The following ERBB4 variants were observed in gnomAD, a reference collection of about 807,000 sequenced individuals.
ERBB4 encodes the protein receptor tyrosine-protein kinase erbB-4.
A neutral mutation model predicts 158.0 loss-of-function variants in ERBB4; 42 were observed. That is an observed-to-expected ratio of 0.27 (90% CI 0.21 to 0.34). The LOEUF is 0.34. Among genes scored for constraint, ERBB4 ranks in the 10% least tolerant of loss-of-function variants. The pLI, the probability that ERBB4 is intolerant of heterozygous loss-of-function variation, is 1.00. For missense variants in ERBB4, 1,333 were observed against 1,624.1 expected (o/e 0.82, Z 3.08); for synonymous variants, 583 against 558.7 (o/e 1.04, Z -0.61).
chr2:212,518,606 C>T (rs1575070773), intron 1 of ERBB4, among the ~76,000 whole-genome samples: 1 of 151,816 alleles, frequency 6.6e-6, no homozygotes, highest in East Asian at 1.9e-4. Flanking sequence ...TACCACAAGC[C>T]CCTATTAGAA....
intron 1 of ERBB4, among the ~76,000 whole-genome samples, chr2:212,454,453 G>A (rs568925486): frequency 2.0e-5 from 3 of 152,226 alleles, no homozygotes; most frequent in African/African-American, 7.2e-5. Context: ...CTCTGCACTT[G>A]ATATATTTCA....
Position 211,624,063 on chromosome 2 carries a change from A to T in ERBB4, c.2080-19T>A. The T allele has an allele frequency of 6.2e-7, 1 of 1,613,892 alleles. No homozygotes were observed. The highest frequency in any genetic ancestry group is 1.1e-5 in the South Asian group (1 of 91,072). On this transcript the variant is annotated intron_variant, in intron 17 of 27. Transcript: ENST00000342788. ...CCACCAACTGCAAAGCGGAAAGAAG[A>T]AGGTTATACTTTCAGTCCGATAGTC...
chr2:211,950,672 G>C lies in ERBB4; in HGVS notation c.235-3056C>G, dbSNP rs149897825. 7.5e-3 allele frequency among the ~76,000 whole-genome samples: 1,141 copies of C among 152,206 alleles called. 14 individuals are homozygous for C. Among genetic ancestry groups the C allele is most frequent in the African/African-American group, 0.025 (1,050 of 41,520 alleles). On this transcript the variant is annotated intron_variant, in intron 2 of 27. Transcript: ENST00000342788. ...GAGAGGAATAGGAAAGGGATATATG[G>C]AATTACTCATATCTGGCATCAAATT...
chr2:212,146,801 G>A (rs2080688659), intron 1 of ERBB4, among the ~76,000 whole-genome samples: 1 of 151,998 alleles, frequency 6.6e-6, no homozygotes, highest in South Asian at 2.1e-4. Context: ...CAATTGATTT[G>A]GAAAGGCAGT....
At chr2:212,383,035 T>C (rs562802903) in intron 1 of ERBB4, among the ~76,000 whole-genome samples, 2 of 151,398 alleles carry the variant, frequency 1.3e-5, no homozygotes, top group East Asian at 3.9e-4. Flanking sequence ...ATGTAGTTAA[T>C]AAAAACTAAC....
At chr2:212,454,273 G>A (rs1305298361) in intron 1 of ERBB4, among the ~76,000 whole-genome samples, 3 of 152,104 alleles carry the variant, frequency 2.0e-5, no homozygotes, top group African/African-American at 4.8e-5. Context: ...CTGTGGTGAC[G>A]CACTAGGAAG....
intron 3 of ERBB4, among the ~76,000 whole-genome samples, chr2:211,827,978 C>G (rs547346290): frequency 5.9e-5 from 9 of 152,274 alleles, no homozygotes; most frequent in Admixed American, 4.6e-4. Context: ...AAAAGCAAGT[C>G]TTGCCTTAGC....
chr2:212,135,389 G>A (rs1161638166), intron 1 of ERBB4, among the ~76,000 whole-genome samples: 1 of 151,992 alleles, frequency 6.6e-6, no homozygotes, highest in Non-Finnish European at 1.5e-5. Context: ...GTAAATTTTT[G>A]TACTTTGTAT....
At chr2:212,390,515 T>C (rs911546287) in intron 1 of ERBB4, among the ~76,000 whole-genome samples, 3 of 151,844 alleles carry the variant, frequency 2.0e-5, no homozygotes, top group Non-Finnish European at 4.4e-5. Context: ...TATTCTTTTT[T>C]CTTTTGCTTC....
At chr2:211,757,113 G>A (rs553908203) in intron 4 of ERBB4, among the ~76,000 whole-genome samples, 26 of 152,192 alleles carry the variant, frequency 1.7e-4, no homozygotes, top group Admixed American at 1.7e-3. Flanking sequence ...TTTATGAGAT[G>A]TTAATACTTC....
chr2:211,944,151 CTA>C (rs1206375323), intron 3 of ERBB4, among the ~76,000 whole-genome samples: 2 of 83,390 alleles, frequency 2.4e-5, no homozygotes, highest in Non-Finnish European at 5.3e-5. Flanking sequence ...TACATATACA[CTA>C]TATATATACA....
chr2:212,431,314 A>AC (rs1574906816), intron 1 of ERBB4, among the ~76,000 whole-genome samples: 1 of 150,878 alleles, frequency 6.6e-6, no homozygotes, highest in East Asian at 1.9e-4. Context: ...ATTAAAAAAA[A>AC]AAAAAAAAAA....
chr2:211,464,254 C>T (rs1321128222), intron 20 of ERBB4, among the ~76,000 whole-genome samples: 1 of 152,190 alleles, frequency 6.6e-6, no homozygotes, highest in Non-Finnish European at 1.5e-5. Context: ...GCACCCAAGA[C>T]AGTGCCTAGA....
intron 1 of ERBB4, among the ~76,000 whole-genome samples, chr2:212,488,326 T>A (rs1250527514): frequency 8.6e-6 from 1 of 116,260 alleles, no homozygotes; most frequent in Non-Finnish European, 1.8e-5. Flanking sequence ...CTCCTCTCTC[T>A]CTCTCTCTCT....
In ERBB4 at chr2:212,102,110, A is replaced by ATATG. The variant is rs2079103472; in HGVS notation, c.234+22638_234+22641dup. Among the ~76,000 whole-genome samples the ATATG allele has an allele frequency of 2.1e-5, 3 of 144,582 alleles. No individual in the cohort carries two copies. The South Asian group carries it at 6.6e-4, about 32-fold the overall frequency. 94.9% of individuals were successfully genotyped at this position (144,582 alleles called of 152,430 possible). ...TTATTTTATATATATATATATATAT[A>ATATG]TATGTCAGGTCAGATCAACTTGTTT... On this transcript the variant is annotated intron_variant, in intron 2 of 27. Coordinates refer to ENST00000342788, the MANE Select transcript of ERBB4 (RefSeq NM_005235.3).
intron 1 of ERBB4, among the ~76,000 whole-genome samples, chr2:212,361,081 T>C (rs922190369): frequency 6.6e-6 from 1 of 151,748 alleles, no homozygotes; most frequent in African/African-American, 2.4e-5. Context: ...GTTTTACAAA[T>C]GTGTAGTCTC....
chr2:212,204,427 G>T (rs183931773), intron 1 of ERBB4, among the ~76,000 whole-genome samples: 264 of 152,218 alleles, frequency 1.7e-3, no homozygotes, highest in African/African-American at 6.1e-3. Context: ...GCCAGGCGCG[G>T]TGGCTCACAT....
Position 212,040,983 on chromosome 2 carries a change from C to T in ERBB4, c.234+83769G>A, listed in dbSNP as rs567843754. ...TTTTCAGGAGAGGTCTTCTAACAAG[C>T]TCCTAAATCTACAACCAGGAGCAGA... On this transcript the variant is annotated intron_variant, in intron 2 of 27. Coordinates refer to ENST00000342788, the MANE Select transcript of ERBB4 (RefSeq NM_005235.3). Among the ~76,000 whole-genome samples the T allele has an allele frequency of 3.3e-5, 5 of 152,190 alleles. No homozygotes were observed. The East Asian group carries it at 5.8e-4, about 18-fold the overall frequency.
At chr2:212,152,238 G>A (rs1192493776) in intron 1 of ERBB4, among the ~76,000 whole-genome samples, 2 of 151,828 alleles carry the variant, frequency 1.3e-5, no homozygotes, top group Middle Eastern at 3.4e-3. Context: ...TGTGATCTTC[G>A]GCTAATTATT....
Sources: gnomAD v4.1 joint callset for allele counts (sites outside exome capture counted in the v4.1 genomes callset) on GRCh38, gnomAD v4.1.1 for gene constraint, MANE v1.5 for transcripts, NCBI Gene and HGNC (gene_info 2026-07-23, HGNC 2026-07-21) for gene names.